The following SPATA17 variants were observed in gnomAD, a reference collection of about 807,000 sequenced individuals.
SPATA17 encodes the protein spermatogenesis associated 17, also known as spermatogenesis-associated protein 17.
In SPATA17, 53 loss-of-function variants were observed where a neutral mutation model predicts 62.2. The ratio of observed to expected loss-of-function variants is 0.85; its 90% CI spans 0.68 to 1.07. The LOEUF is 1.07. Among genes scored for constraint, SPATA17 ranks in the 50% least tolerant of loss-of-function variants. The pLI is 0.00. For synonymous variants in SPATA17, 146 were observed against 146.8 expected (o/e 0.99, Z 0.04); for missense variants, 466 against 425.5 (o/e 1.10, Z -0.84).
chr1:217,714,126 G>A (rs1671940030), intron 5 of SPATA17, among the ~76,000 whole-genome samples: 1 of 152,090 alleles, frequency 6.6e-6, no homozygotes, highest in South Asian at 2.1e-4. Flanking sequence ...GGTGGCTCAC[G>A]CCTATAATCC....
chr1:217,714,739 C>G (rs1373531059), intron 5 of SPATA17, among the ~76,000 whole-genome samples: 1 of 151,968 alleles, frequency 6.6e-6, no homozygotes, highest in Non-Finnish European at 1.5e-5. Flanking sequence ...CCCGCCTCGG[C>G]CTCCCAAAGT....
intron 5 of SPATA17, among the ~76,000 whole-genome samples, chr1:217,714,452 A>G (rs1214833287): frequency 9.3e-5 from 14 of 150,898 alleles, no homozygotes; most frequent in Admixed American, 9.3e-4. Flanking sequence ...TTCAGGACAA[A>G]TAGATAGATT....
intron 9 of SPATA17, among the ~76,000 whole-genome samples, chr1:217,817,489 C>T (rs1451678054): frequency 6.6e-6 from 1 of 152,018 alleles, no homozygotes; most frequent in Non-Finnish European, 1.5e-5. Flanking sequence ...CTCCCCAGCC[C>T]TGTGGATCTG....
intron 5 of SPATA17, among the ~76,000 whole-genome samples, chr1:217,732,436 A>G (rs1390492368): frequency 2.0e-5 from 3 of 152,184 alleles, no homozygotes; most frequent in Non-Finnish European, 4.4e-5. Context: ...TAAATGAGAG[A>G]CAATGTGTGA....
intron 6 of SPATA17, among the ~76,000 whole-genome samples, chr1:217,750,869 C>T (rs1011231112): frequency 2.6e-5 from 4 of 152,170 alleles, no homozygotes; most frequent in Admixed American, 6.5e-5. Context: ...AAGCAACCTG[C>T]GCAAGGTCAC....
intron 9 of SPATA17, among the ~76,000 whole-genome samples, chr1:217,821,645 G>C (rs1250658818): frequency 1.3e-5 from 2 of 152,028 alleles, no homozygotes; most frequent in African/African-American, 4.8e-5. Context: ...GGAGAAGAGA[G>C]AGGAATAGCT....
chr1:217,820,577 G>C (rs776635816), intron 9 of SPATA17, among the ~76,000 whole-genome samples: 7 of 151,240 alleles, frequency 4.6e-5, no homozygotes, highest in Non-Finnish European at 1.0e-4. Context: ...AGAAGAAAAG[G>C]GCTAAAATTG....
intron 6 of SPATA17, among the ~76,000 whole-genome samples, chr1:217,746,264 T>C (rs556907050): frequency 2.0e-5 from 3 of 152,090 alleles, no homozygotes; most frequent in South Asian, 4.1e-4. Context: ...TTATAAAAAG[T>C]ATACCAGGAT....
At chr1:217,820,621 A>G (rs1020252057) in intron 9 of SPATA17, among the ~76,000 whole-genome samples, 8 of 151,968 alleles carry the variant, frequency 5.3e-5, no homozygotes, top group Non-Finnish European at 8.8e-5. Flanking sequence ...CTTGAGTTCA[A>G]TCTTGAACAT....
Position 217,823,200 on chromosome 1 carries a change from A to G in SPATA17, c.1005+21350A>G, listed in dbSNP as rs77436330. Among the ~76,000 whole-genome samples, 621 of 152,016 alleles carry G rather than the reference A, an allele frequency of 4.1e-3. 4 individuals carry two copies. The highest frequency in any genetic ancestry group is 5.5e-3 in the Non-Finnish European group (371 of 67,894). On this transcript the variant is annotated intron_variant, in intron 9 of 10. Transcript: ENST00000366933. ...TAGGAACATAGAAAACTAAATTTTG[A>G]TCTGATATTTTTACCTGGTTATATG...
intron 9 of SPATA17, among the ~76,000 whole-genome samples, chr1:217,811,768 TG>T (rs1488170378): frequency 6.6e-6 from 1 of 152,168 alleles, no homozygotes; most frequent in African/African-American, 2.4e-5. Flanking sequence ...GTCATTTTAT[TG>T]GCTAAACATA....
intron 6 of SPATA17, among the ~76,000 whole-genome samples, chr1:217,759,801 A>T (rs996186949): frequency 6.6e-6 from 1 of 152,144 alleles, no homozygotes; most frequent in Non-Finnish European, 1.5e-5. Flanking sequence ...AAAGAGAGAT[A>T]TTATTAATTA....
At chr1:217,786,488 A>G (rs981680127) in intron 8 of SPATA17, among the ~76,000 whole-genome samples, 8 of 152,182 alleles carry the variant, frequency 5.3e-5, no homozygotes, top group African/African-American at 1.7e-4. Context: ...TTGACAGGCT[A>G]CTATTTATGT....
At chr1:217,705,475 T>A (rs1451018655) in intron 5 of SPATA17, among the ~76,000 whole-genome samples, 1 of 121,092 alleles carries the variant, frequency 8.3e-6, no homozygotes, top group East Asian at 2.9e-4. Context: ...GGAGTCTCGC[T>A]CCATCACCAG....
chr1:217,643,105 A>G (rs1199220860), intron 1 of SPATA17, among the ~76,000 whole-genome samples: 1 of 152,182 alleles, frequency 6.6e-6, no homozygotes, highest in Non-Finnish European at 1.5e-5. Flanking sequence ...TGATGAACAT[A>G]TATATTAAAA....
Position 217,678,860 on chromosome 1 carries a change from A to G in SPATA17, c.292-4398A>G, listed in dbSNP as rs145533709. Among the ~76,000 whole-genome samples the G allele has an allele frequency of 7.2e-5, 11 of 152,262 alleles. No individual in the cohort carries two copies. In the East Asian group the frequency reaches 2.1e-3, roughly 29 times the overall value. The stretch of plus-strand genomic sequence containing the variant: ...TGATCAATGACAATAATTGTTTTAT[A>G]CCAATCACTTTTGAAAGTTGCTAAT... On this transcript the variant is annotated intron_variant, in intron 4 of 10. Coordinates refer to ENST00000366933, the MANE Select transcript of SPATA17 (RefSeq NM_138796.4).
rs1166097893 is a variant in SPATA17 at position 217,742,070 on chromosome 1, A to G, written c.491A>G (p.Lys164Arg). The change falls in exon 6 of 11, where the codon AAG becomes AGG. Residue 164 changes from lysine to arginine, a missense_variant. Coordinates refer to ENST00000366933, the MANE Select transcript of SPATA17 (RefSeq NM_138796.4). ...AAGAAAAGAGATTACCAAGCCCGAA[A>G]GATGCATTACCTCCTCAGCACAAAG... is the stretch of plus-strand genomic sequence containing the variant. Reference protein sequence around the residue: ...EEKKRDYQARKMHYLLSTKQI... With the variant: ...EEKKRDYQARRMHYLLSTKQI... The G allele has an allele frequency of 6.2e-7, 1 of 1,614,046 alleles. No homozygotes were observed. Among genetic ancestry groups the G allele is most frequent in the Non-Finnish European group, 8.5e-7 (1 of 1,180,036 alleles).
At chr1:217,770,453 T>C (rs1673410894) in intron 6 of SPATA17, among the ~76,000 whole-genome samples, 1 of 152,186 alleles carries the variant, frequency 6.6e-6, no homozygotes, top group Non-Finnish European at 1.5e-5. Flanking sequence ...AAATATGAAA[T>C]TAGAACATTA....
At chr1:217,752,581 C>A (rs1410296546) in intron 6 of SPATA17, among the ~76,000 whole-genome samples, 2 of 152,086 alleles carry the variant, frequency 1.3e-5, no homozygotes, top group Non-Finnish European at 1.5e-5. Flanking sequence ...CAACATTGAT[C>A]TAAATTTTCA....
Sources: gnomAD v4.1 joint callset for allele counts (sites outside exome capture counted in the v4.1 genomes callset) on GRCh38, gnomAD v4.1.1 for gene constraint, MANE v1.5 for transcripts, NCBI Gene and HGNC (gene_info 2026-07-23, HGNC 2026-07-21) for gene names.